The following PPP2R5D variants were observed in gnomAD, a reference collection of about 807,000 sequenced individuals.
PPP2R5D encodes the protein serine/threonine-protein phosphatase 2A 56 kDa regulatory subunit delta isoform.
Under a neutral mutation model 79.1 loss-of-function variants are expected in PPP2R5D, and 12 were observed. The ratio of observed to expected loss-of-function variants is 0.15; its 90% CI spans 0.10 to 0.25. The LOEUF is 0.25. Among genes scored for constraint, PPP2R5D ranks in the 10% least tolerant of loss-of-function variants. The probability of loss-of-function intolerance (pLI) is 1.00; values close to 1 mark genes in which losing one functional copy is unlikely to be tolerated. For synonymous variants in PPP2R5D, 277 were observed against 286.6 expected (o/e 0.97, Z 0.34); for missense variants, 419 against 760.2 (o/e 0.55, Z 5.28).
chr6:43,010,602 T>G lies in PPP2R5D; in HGVS notation c.1481+33T>G, dbSNP rs757545973. On this transcript the variant is annotated intron_variant, in intron 13 of 15. Coordinates refer to ENST00000485511, the MANE Select transcript of PPP2R5D (RefSeq NM_006245.4). The surrounding 1 kb of genome is among the most constrained non-coding windows in gnomAD (Gnocchi z 4.7). ...TCTCTCTCCCCGGGAGACTTTCATC[T>G]TCTACCACCAGCTCACTGTGTTTCT... The G allele has an allele frequency of 1.9e-6, 3 of 1,613,132 alleles. No homozygotes were observed.
intron 2 of PPP2R5D, among the ~76,000 whole-genome samples, chr6:43,000,597 T>C (rs1772112818): frequency 6.6e-6 from 1 of 152,158 alleles, no homozygotes; most frequent in Non-Finnish European, 1.5e-5. Flanking sequence ...CTGGGAAGAA[T>C]GCCCCTCTCT....
intron 2 of PPP2R5D, among the ~76,000 whole-genome samples, chr6:42,992,185 G>A (rs998183161): frequency 6.6e-5 from 10 of 152,138 alleles, no homozygotes; most frequent in South Asian, 2.1e-4. Context: ...TCAGCCTCCC[G>A]AGTAGCTGGG....
chr6:43,010,620 G>GT lies in PPP2R5D; in HGVS notation c.1482-43dup. The GT allele has an allele frequency of 6.2e-7, 1 of 1,613,270 alleles. No homozygotes were observed. The highest frequency in any genetic ancestry group is 2.2e-5 in the East Asian group (1 of 44,872). On this transcript the variant is annotated intron_variant, in intron 13 of 15. Transcript: ENST00000485511. This position sits in a 1 kb window ranked among gnomAD's most constrained non-coding sequence, Gnocchi z 4.7. ...TTTCATCTTCTACCACCAGCTCACT[G>GT]TGTTTCTCTCAAGCCCAACCCCAAT...
At chr6:43,000,085 G>A (rs1000895803) in intron 2 of PPP2R5D, among the ~76,000 whole-genome samples, 5 of 151,316 alleles carry the variant, frequency 3.3e-5, no homozygotes, top group African/African-American at 4.9e-5. Context: ...ACAGGCGCCC[G>A]CCACCACGCC....
At chr6:43,005,710 C>T (rs1762036262) in intron 2 of PPP2R5D, among the ~76,000 whole-genome samples, 1 of 152,090 alleles carries the variant, frequency 6.6e-6, no homozygotes, top group African/African-American at 2.4e-5. Flanking sequence ...CAACCTCCGC[C>T]TCCTGGGTTC....
In PPP2R5D at chr6:43,010,892, C is replaced by T. The variant is rs752135136; in HGVS notation, c.1566C>T (p.Phe522=). ...LARLNPQYPM[F]RAPPPLPPVY... ...GTCTCCTCACTCAGTATCCCATGTTCCGAGCCCCTCCACCACTGCCCCCTG... is the reference window on the plus strand; with the variant it reads ...GTCTCCTCACTCAGTATCCCATGTTTCGAGCCCCTCCACCACTGCCCCCTG... The change falls in exon 15 of 16, where the codon TTC becomes TTT. Residue 522 remains phenylalanine (F), a synonymous_variant. Coordinates refer to ENST00000485511, the MANE Select transcript of PPP2R5D (RefSeq NM_006245.4). The surrounding 1 kb of genome is among the most constrained non-coding windows in gnomAD (Gnocchi z 4.7). The T allele has an allele frequency of 6.2e-7, 1 of 1,613,464 alleles. No individual in the cohort carries two copies.
At chr6:42,985,437 A>T in intron 1 of PPP2R5D, among the ~76,000 whole-genome samples, 1 of 152,214 alleles carries the variant, frequency 6.6e-6, no homozygotes, top group African/African-American at 2.4e-5. Flanking sequence ...AAGGTCACAC[A>T]GCCTGCTGGA....
intron 2 of PPP2R5D, among the ~76,000 whole-genome samples, chr6:42,992,446 A>G (rs914172507): frequency 6.6e-6 from 1 of 152,142 alleles, no homozygotes; most frequent in Non-Finnish European, 1.5e-5. Flanking sequence ...TAATTGATCT[A>G]ATAGTTATAG....
Position 43,007,429 on chromosome 6 carries a change from T to C in PPP2R5D, c.649T>C (p.Phe217Leu). The C allele has an allele frequency of 6.2e-7, 1 of 1,613,316 alleles. No homozygotes were observed. Among genetic ancestry groups the C allele is most frequent in the South Asian group, 1.1e-5 (1 of 91,082 alleles). Residue 217 changes from phenylalanine to leucine, a missense_variant, in exon 6 of 16, where the codon TTC (phenylalanine) becomes CTC (leucine). This residue lies in a region of PPP2R5D where 196 missense variants were observed against 424.5 expected (regional missense o/e 0.46). Transcript: ENST00000485511. The surrounding 1 kb of genome is among the most constrained non-coding windows in gnomAD (Gnocchi z 4.5). ...WPHLQLVYEFFLRFLESPDFQ... is the reference protein window; with the variant it reads ...WPHLQLVYEFLLRFLESPDFQ... ...TCCCCTATAGCTCGTGTATGAGTTC[T>C]TCTTACGTTTCCTTGAGTCTCCTGA...
intron 2 of PPP2R5D, among the ~76,000 whole-genome samples, chr6:43,000,872 G>A (rs1772136506): frequency 6.6e-6 from 1 of 152,218 alleles, no homozygotes; most frequent in Non-Finnish European, 1.5e-5. Flanking sequence ...AACCTTCATT[G>A]AATTCCTATT....
chr6:43,006,088 A>G lies in PPP2R5D; in HGVS notation c.106-375A>G, dbSNP rs558002241. Among the ~76,000 whole-genome samples the G allele has an allele frequency of 3.0e-4, 45 of 152,124 alleles. No individual in the cohort carries two copies. The highest frequency in any genetic ancestry group is 1.1e-3 in the African/African-American group (45 of 41,494). On this transcript the variant is annotated intron_variant, in intron 2 of 15. Transcript: ENST00000485511. This position sits in a 1 kb window ranked among gnomAD's most constrained non-coding sequence, Gnocchi z 4.7. ...CTCCTCATGTCTCTTCTTATTCCTC[A>G]TGTGTCTTCTTATTCATCATGTGTC... is the stretch of plus-strand genomic sequence containing the variant.
Position 43,009,212 on chromosome 6 carries a change from T to C in PPP2R5D, c.1236T>C (p.Ser412=), listed in dbSNP as rs780575157. 4.3e-6 allele frequency: 7 copies of C among 1,614,048 alleles called. No individual in the cohort carries two copies. Among genetic ancestry groups the C allele is most frequent in the Admixed American group, 3.3e-5 (2 of 60,000 alleles). ...TCCGCCAGCTGGCCAAGTGTGTCTC[T>C]AGCCCCCATTTCCAGGTGAGACTCC... ...PLFRQLAKCV[S]SPHFQVAERA... Residue 412 remains serine (S), a synonymous_variant, in exon 11 of 16, where the codon TCT becomes TCC. Transcript: ENST00000485511. This position sits in a 1 kb window ranked among gnomAD's most constrained non-coding sequence, Gnocchi z 5.6.
Position 43,010,210 on chromosome 6 carries a change from G to A in PPP2R5D, c.1380-258G>A, listed in dbSNP as rs895065231. On this transcript the variant is annotated intron_variant, in intron 12 of 15. Transcript: ENST00000485511. The surrounding 1 kb of genome is among the most constrained non-coding windows in gnomAD (Gnocchi z 4.7). ...GTGTGGGTTAGAGTGGGAAAGGATG[G>A]GAGGTAGGCAGGCCTTGGAGCATGG... is the stretch of plus-strand genomic sequence containing the variant. Among the ~76,000 whole-genome samples the A allele has an allele frequency of 4.6e-5, 7 of 152,186 alleles. No homozygotes were observed. Among genetic ancestry groups the A allele is most frequent in the African/African-American group, 1.4e-4 (6 of 41,448 alleles).
chr6:43,011,306 A>G lies in PPP2R5D; in HGVS notation c.*20A>G. On this transcript the variant is annotated 3_prime_UTR_variant, in exon 16 of 16. Transcript: ENST00000485511. The stretch of plus-strand genomic sequence containing the variant: ...CTCTGACCCCTCACGTTCCTACCAC[A>G]GGGCCACAGCCCACACAGCCCTGGG... 6.2e-7 allele frequency: 1 copy of G among 1,613,208 alleles called. No individual in the cohort carries two copies. The highest frequency in any genetic ancestry group is 8.5e-7 in the Non-Finnish European group (1 of 1,179,876).
At chr6:43,003,558 AGAAATGCAGAAGTAAT>A (rs1561847382) in intron 2 of PPP2R5D, among the ~76,000 whole-genome samples, 23 of 152,244 alleles carry the variant, frequency 1.5e-4, no homozygotes, top group African/African-American at 5.5e-4. Context: ...TAGAAAATTT[AGAAATGCAGAAGTAAT>A]CTAATTCTAC....
chr6:42,994,220 G>A (rs752020241), intron 2 of PPP2R5D, among the ~76,000 whole-genome samples: 4 of 152,178 alleles, frequency 2.6e-5, no homozygotes, highest in Admixed American at 6.5e-5. Context: ...AACCTGGGAG[G>A]TGGAGGTTGC....
chr6:43,009,205 G>A lies in PPP2R5D; in HGVS notation c.1229G>A (p.Cys410Tyr). 6.2e-7 allele frequency: 1 copy of A among 1,614,182 alleles called. No homozygotes were observed. The highest frequency in any genetic ancestry group is 8.5e-7 in the Non-Finnish European group (1 of 1,180,032). ...CCCCTCTTCCGCCAGCTGGCCAAGT[G>A]TGTCTCTAGCCCCCATTTCCAGGTG... is the stretch of plus-strand genomic sequence containing the variant. Reference protein sequence around the residue: ...MEPLFRQLAKCVSSPHFQVAE... With the variant: ...MEPLFRQLAKYVSSPHFQVAE... The change falls in exon 11 of 16, where the codon TGT becomes TAT. Residue 410 changes from cysteine (C) to tyrosine (Y), a missense_variant. Cys to Tyr is a radical substitution (Grantham distance 194). Around this residue, in one of 5 missense-constraint regions of PPP2R5D, gnomAD observed 196 missense variants for 424.5 expected, o/e 0.46. Coordinates refer to ENST00000485511, the MANE Select transcript of PPP2R5D (RefSeq NM_006245.4). This position sits in a 1 kb window ranked among gnomAD's most constrained non-coding sequence, Gnocchi z 5.6.
At position 43,008,802 on chromosome 6, in the gene PPP2R5D, G is replaced by T; in HGVS notation, c.1080+56G>T. 6.4e-7 allele frequency: 1 copy of T among 1,563,078 alleles called. No individual in the cohort carries two copies. Among genetic ancestry groups the T allele is most frequent in the East Asian group, 2.3e-5 (1 of 44,234 alleles). On this transcript the variant is annotated intron_variant, in intron 10 of 15. Coordinates refer to ENST00000485511, the MANE Select transcript of PPP2R5D (RefSeq NM_006245.4). This position sits in a 1 kb window ranked among gnomAD's most constrained non-coding sequence, Gnocchi z 4.2. ...CTCTTACTGTCAGCATCACTTGCCA[G>T]TCTGTACCTACTGGGGGTGCCATAA...
In PPP2R5D at chr6:43,010,442, C is replaced by T. The variant is rs771068505; in HGVS notation, c.1380-26C>T. On this transcript the variant is annotated intron_variant, in intron 12 of 15. Coordinates refer to ENST00000485511, the MANE Select transcript of PPP2R5D (RefSeq NM_006245.4). This position sits in a 1 kb window ranked among gnomAD's most constrained non-coding sequence, Gnocchi z 4.7. ...GCTAAGGGCAGGCTCTGGCCTCCTA[C>T]ACCTCATCTTTCTTCTTGGTGGCAG... 1.9e-6 allele frequency: 3 copies of T among 1,604,250 alleles called. No homozygotes were observed. Among genetic ancestry groups the T allele is most frequent in the African/African-American group, 2.7e-5 (2 of 74,664 alleles).
Sources: gnomAD v4.1 joint callset for allele counts (sites outside exome capture counted in the v4.1 genomes callset) on GRCh38, gnomAD v4.1.1 for gene constraint, gnomAD v4.1.1 regional missense constraint, Gnocchi (gnomAD v3.1) non-coding constraint, MANE v1.5 for transcripts, NCBI Gene and HGNC (gene_info 2026-07-23, HGNC 2026-07-21) for gene names.